The following SLC24A3 variants were observed in gnomAD, a reference collection of about 807,000 sequenced individuals.
SLC24A3 encodes the protein sodium/potassium/calcium exchanger 3.
A neutral mutation model predicts 75.8 loss-of-function variants in SLC24A3; 28 were observed. The ratio of observed to expected loss-of-function variants is 0.37; its 90% CI spans 0.27 to 0.51. The LOEUF is 0.51. Ranked by LOEUF, SLC24A3 falls within the 20% of genes least tolerant of loss-of-function variation. SLC24A3 has a pLI of 0.94. For missense variants in SLC24A3, 663 were observed against 847.8 expected (o/e 0.78, Z 2.71); for synonymous variants, 372 against 334.1 (o/e 1.11, Z -1.24).
At chr20:19,688,936 TTATA>T (rs1212813666) in intron 12 of SLC24A3, among the ~76,000 whole-genome samples, 1 of 152,150 alleles carries the variant, frequency 6.6e-6, no homozygotes, top group Non-Finnish European at 1.5e-5. Context: ...ATATTTATGT[TTATA>T]TATGTATATA....
chr20:19,539,484 A>G (rs1399758481), intron 3 of SLC24A3, among the ~76,000 whole-genome samples: 1 of 152,214 alleles, frequency 6.6e-6, no homozygotes, highest in Non-Finnish European at 1.5e-5. Context: ...CTGCTGACTA[A>G]TAAACATCTG....
chr20:19,492,617 C>T (rs1466399900), intron 2 of SLC24A3, among the ~76,000 whole-genome samples: 1 of 152,210 alleles, frequency 6.6e-6, no homozygotes, highest in African/African-American at 2.4e-5. Context: ...GCTTTAGTTT[C>T]CTGCATCTCA....
chr20:19,690,173 T>G (rs1019164406), intron 12 of SLC24A3, among the ~76,000 whole-genome samples: 1 of 152,210 alleles, frequency 6.6e-6, no homozygotes, highest in African/African-American at 2.4e-5. Flanking sequence ...AAATATATGA[T>G]TCAGATAATG....
At chr20:19,476,536 C>T (rs1987964459) in intron 2 of SLC24A3, among the ~76,000 whole-genome samples, 1 of 152,174 alleles carries the variant, frequency 6.6e-6, no homozygotes, top group Non-Finnish European at 1.5e-5. Flanking sequence ...AAAACCTCTG[C>T]TCTGTGTAAG....
intron 6 of SLC24A3, among the ~76,000 whole-genome samples, chr20:19,638,543 G>A (rs1432201587): frequency 6.6e-6 from 1 of 152,186 alleles, no homozygotes; most frequent in Non-Finnish European, 1.5e-5. Context: ...GAGAAGCAAT[G>A]AGAGTAGCTG....
intron 2 of SLC24A3, among the ~76,000 whole-genome samples, chr20:19,375,667 C>T (rs887421401): frequency 6.6e-6 from 1 of 152,238 alleles, no homozygotes; most frequent in Non-Finnish European, 1.5e-5. Flanking sequence ...GCCATCTCTG[C>T]ACTGTGGCTT....
intron 2 of SLC24A3, among the ~76,000 whole-genome samples, chr20:19,446,357 A>G (rs570941274): frequency 1.3e-5 from 2 of 152,354 alleles, no homozygotes; most frequent in East Asian, 3.9e-4. Flanking sequence ...ATTAGGTGTG[A>G]TATAATTACT....
intron 1 of SLC24A3, among the ~76,000 whole-genome samples, chr20:19,215,333 G>A (rs1328063480): frequency 6.6e-6 from 1 of 152,120 alleles, no homozygotes; most frequent in Non-Finnish European, 1.5e-5. Flanking sequence ...AAGTCACACA[G>A]CATTCGAAGA....
chr20:19,548,142 T>C (rs2030632175), intron 3 of SLC24A3, among the ~76,000 whole-genome samples: 1 of 152,238 alleles, frequency 6.6e-6, no homozygotes, highest in African/African-American at 2.4e-5. Context: ...GCAAGGCTGA[T>C]GTTCCGCGCT....
At chr20:19,563,148 G>C (rs1600281797) in intron 3 of SLC24A3, among the ~76,000 whole-genome samples, 1 of 152,132 alleles carries the variant, frequency 6.6e-6, no homozygotes, top group South Asian at 2.1e-4. Flanking sequence ...AAGACAAAAA[G>C]CCATCCCCTC....
intron 2 of SLC24A3, among the ~76,000 whole-genome samples, chr20:19,484,279 A>G (rs945280196): frequency 1.7e-4 from 26 of 152,208 alleles, no homozygotes; most frequent in Non-Finnish European, 7.3e-5. Context: ...TGCACCTTAT[A>G]CACGTAGCCT....
intron 3 of SLC24A3, among the ~76,000 whole-genome samples, chr20:19,535,683 C>T (rs2030383093): frequency 6.6e-6 from 1 of 152,116 alleles, no homozygotes; most frequent in African/African-American, 2.4e-5. Flanking sequence ...GAGAGAAGAA[C>T]TGGGGTTATT....
Position 19,665,853 on chromosome 20 carries a change from T to C in SLC24A3, c.688-11T>C. ...TGTGTCTAATCTTCTATTCTTTTTA[T>C]TTTTTCACAGTTTATTTATGATGAA... is the stretch of plus-strand genomic sequence containing the variant. On this transcript the variant is annotated splice_polypyrimidine_tract_variant and intron_variant, in intron 7 of 16. Coordinates refer to ENST00000328041, the MANE Select transcript of SLC24A3 (RefSeq NM_020689.4). 6.2e-7 allele frequency: 1 copy of C among 1,600,742 alleles called. No homozygotes were observed. Among genetic ancestry groups the C allele is most frequent in the Non-Finnish European group, 8.5e-7 (1 of 1,172,748 alleles).
chr20:19,551,236 G>A (rs534948033), intron 3 of SLC24A3, among the ~76,000 whole-genome samples: 1 of 152,204 alleles, frequency 6.6e-6, no homozygotes, highest in African/African-American at 2.4e-5. Context: ...ACCTCACATG[G>A]AATAAACCAG....
intron 2 of SLC24A3, among the ~76,000 whole-genome samples, chr20:19,397,929 G>C (rs1434340845): frequency 2.6e-5 from 4 of 152,124 alleles, no homozygotes; most frequent in African/African-American, 9.7e-5. Flanking sequence ...TGCCACTTGA[G>C]CAAGGAAGAG....
intron 6 of SLC24A3, among the ~76,000 whole-genome samples, chr20:19,628,406 C>G (rs2031892964): frequency 6.6e-6 from 1 of 152,048 alleles, no homozygotes; most frequent in Non-Finnish European, 1.5e-5. Context: ...GTGAGAACAT[C>G]AGAAACCAGT....
intron 2 of SLC24A3, among the ~76,000 whole-genome samples, chr20:19,314,730 A>G (rs1447974456): frequency 1.3e-5 from 2 of 152,234 alleles, no homozygotes; most frequent in African/African-American, 2.4e-5. Context: ...AACTCCTGCC[A>G]TGCCAGCACG....
intron 2 of SLC24A3, among the ~76,000 whole-genome samples, chr20:19,397,610 G>A (rs921611507): frequency 2.0e-5 from 3 of 148,454 alleles, no homozygotes; most frequent in African/African-American, 7.4e-5. Context: ...TTCAAAATGT[G>A]GTTATAAAGG....
intron 1 of SLC24A3, among the ~76,000 whole-genome samples, chr20:19,226,025 T>C (rs1981858830): frequency 2.0e-5 from 3 of 152,226 alleles, no homozygotes; most frequent in Admixed American, 2.0e-4. Context: ...CGTTTAGTCC[T>C]TCCCTGTTAA....
Sources: gnomAD v4.1 joint callset for allele counts (sites outside exome capture counted in the v4.1 genomes callset) on GRCh38, gnomAD v4.1.1 for gene constraint, MANE v1.5 for transcripts, NCBI Gene and HGNC (gene_info 2026-07-23, HGNC 2026-07-21) for gene names.